MED12L: variants seen among roughly 807,000 people sequenced by gnomAD.
MED12L encodes mediator complex subunit 12L, also known as mediator of RNA polymerase II transcription subunit 12-like protein.
Under a neutral mutation model 281.3 loss-of-function variants are expected in MED12L, and 60 were observed. The observed-to-expected ratio is 0.21, with a 90% CI of 0.17 to 0.26. The LOEUF is 0.26. Among genes scored for constraint, MED12L ranks in the 10% least tolerant of loss-of-function variants. The pLI is 1.00. For missense variants in MED12L, 2,146 were observed against 2,680.9 expected, an observed-to-expected ratio of 0.80 and a Z score of 4.41; for synonymous variants, 974 against 987.2, an observed-to-expected ratio of 0.99 and a Z score of 0.25.
intron 5 of MED12L, among the ~76,000 whole-genome samples, chr3:151,155,609 C>T (rs572338610): frequency 6.6e-6 from 1 of 152,208 alleles, no homozygotes; most frequent in Non-Finnish European, 1.5e-5. Context: ...TGGTCCAGCC[C>T]GCAGTGAATG....
intron 30 of MED12L, among the ~76,000 whole-genome samples, chr3:151,377,456 A>G (rs1756981779): frequency 6.6e-6 from 1 of 152,338 alleles, no homozygotes; most frequent in South Asian, 2.1e-4. Flanking sequence ...CGTAGTATTC[A>G]TTATATGGGA....
intron 16 of MED12L, chr3:151,269,407 A>T (rs1577187699): frequency 2.0e-5 from 1 of 48,914 alleles, no homozygotes; most frequent in South Asian, 1.3e-3. Context: ...TCACACACAC[A>T]CACACACACA....
chr3:151,370,410 T>C (rs929284629), intron 26 of MED12L, among the ~76,000 whole-genome samples: 11 of 152,178 alleles, frequency 7.2e-5, no homozygotes, highest in Non-Finnish European at 1.5e-4. Context: ...ATAATCTTGC[T>C]CTGCTTTGGA....
chr3:151,426,656 T>G (rs1156997769), intron 43 of MED12L, among the ~76,000 whole-genome samples: 1 of 152,150 alleles, frequency 6.6e-6, no homozygotes, highest in Non-Finnish European at 1.5e-5. Flanking sequence ...CCAAAGAGCT[T>G]TTGTGTATCA....
intron 16 of MED12L, among the ~76,000 whole-genome samples, chr3:151,339,642 T>TAA (rs546314914): frequency 6.2e-5 from 9 of 145,476 alleles, no homozygotes; most frequent in African/African-American, 1.3e-4. Context: ...TTTAAAACAG[T>TAA]AAAAAAAAAA....
intron 16 of MED12L, among the ~76,000 whole-genome samples, chr3:151,230,980 G>A (rs1577048699): frequency 6.6e-6 from 1 of 152,152 alleles, no homozygotes; most frequent in East Asian, 1.9e-4. Context: ...AGAAAGCAAG[G>A]AAGTGCTCAG....
intron 2 of MED12L, among the ~76,000 whole-genome samples, chr3:151,115,327 C>CTTTTTTTTTTTTTTTTT (rs66728754): frequency 1.6e-5 from 1 of 60,776 alleles, no homozygotes; most frequent in Non-Finnish European, 3.2e-5. Flanking sequence ...GGAAACAATT[C>CTTTTTTTTTTTTTTTTT]TTTTTTTTTT....
chr3:151,316,279 G>T (rs1748222873), intron 16 of MED12L: 1 of 152,064 alleles, frequency 6.6e-6, no homozygotes, highest in African/African-American at 2.4e-5. Flanking sequence ...AATTATAAGA[G>T]ACTTTGACTT....
intron 16 of MED12L, chr3:151,338,051 C>T (rs1044617522): frequency 7.4e-6 from 12 of 1,613,898 alleles, no homozygotes; most frequent in Non-Finnish European, 1.0e-5. Flanking sequence ...CAAAGACATC[C>T]CGGGTTTGGC....
At chr3:151,287,578 T>A (rs1000703151) in intron 16 of MED12L, among the ~76,000 whole-genome samples, 1 of 152,238 alleles carries the variant, frequency 6.6e-6, no homozygotes, top group Non-Finnish European at 1.5e-5. Context: ...GGTGACAGCA[T>A]GGACTTTGTA....
intron 16 of MED12L, among the ~76,000 whole-genome samples, chr3:151,251,917 G>A (rs573247194): frequency 1.3e-5 from 2 of 152,072 alleles, no homozygotes; most frequent in South Asian, 2.1e-4. Flanking sequence ...AAAATTAAAT[G>A]TTTACCCTCA....
chr3:151,183,468 T>A (rs908547197), intron 11 of MED12L, among the ~76,000 whole-genome samples: 1 of 152,264 alleles, frequency 6.6e-6, no homozygotes, highest in Non-Finnish European at 1.5e-5. Flanking sequence ...GTGCTGTGTG[T>A]ACACCGTGCT....
At chr3:151,247,504 T>C (rs1233435636) in intron 16 of MED12L, among the ~76,000 whole-genome samples, 1 of 150,112 alleles carries the variant, frequency 6.7e-6, no homozygotes, top group Non-Finnish European at 1.5e-5. Context: ...CAGTAAACTA[T>C]CGCAAGAACA....
At chr3:151,235,988 C>A (rs1732687478) in intron 16 of MED12L, among the ~76,000 whole-genome samples, 1 of 152,082 alleles carries the variant, frequency 6.6e-6, no homozygotes, top group Non-Finnish European at 1.5e-5. Context: ...TTTGTGATGA[C>A]TTTCAATGGC....
intron 5 of MED12L, among the ~76,000 whole-genome samples, chr3:151,145,983 C>T (rs1384051468): frequency 3.9e-5 from 6 of 152,158 alleles, no homozygotes; most frequent in African/African-American, 9.7e-5. Context: ...TGAGAAATAG[C>T]GTTAATTTAC....
intron 16 of MED12L, among the ~76,000 whole-genome samples, chr3:151,290,927 T>G (rs34347156): frequency 1.3e-5 from 2 of 152,036 alleles, no homozygotes; most frequent in Admixed American, 1.3e-4. Flanking sequence ...ACTATGATAC[T>G]TGTATTATGT....
intron 16 of MED12L, among the ~76,000 whole-genome samples, chr3:151,344,575 C>T (rs1392528472): frequency 1.3e-5 from 2 of 152,004 alleles, no homozygotes; most frequent in Non-Finnish European, 2.9e-5. Flanking sequence ...TTCTTAGAGA[C>T]GTGATAGGTT....
At chr3:151,128,950 A>G (rs575930610) in intron 5 of MED12L, among the ~76,000 whole-genome samples, 11 of 152,316 alleles carry the variant, frequency 7.2e-5, no homozygotes, top group African/African-American at 2.4e-4. Context: ...AGTCCCCACT[A>G]TGTTGGTTTC....
intron 16 of MED12L, among the ~76,000 whole-genome samples, chr3:151,220,272 G>A (rs1173965195): frequency 1.3e-5 from 2 of 151,828 alleles, no homozygotes; most frequent in Non-Finnish European, 2.9e-5. Flanking sequence ...ACACCTGAAA[G>A]CCATGTGGTC....
Sources: allele counts gnomAD v4.1 joint callset (sites outside exome capture counted in the v4.1 genomes callset), GRCh38; gene constraint gnomAD v4.1.1; transcripts MANE v1.5; gene names NCBI Gene and HGNC (gene_info 2026-07-23, HGNC 2026-07-21).